The following NINL variants were observed in gnomAD, a reference collection of about 807,000 sequenced individuals.
The protein encoded by NINL is ninein-like protein.
A neutral mutation model predicts 160.3 loss-of-function variants in NINL; 153 were observed. The ratio of observed to expected loss-of-function variants is 0.95; its 90% CI spans 0.84 to 1.09. NINL has a LOEUF of 1.09. Ranked by LOEUF, NINL falls within the 50% of genes least tolerant of loss-of-function variation. NINL has a pLI of 0.00. For missense variants in NINL, 1,829 were observed against 1,764.0 expected, an observed-to-expected ratio of 1.04 and a Z score of -0.66; for synonymous variants, 800 against 734.8, an observed-to-expected ratio of 1.09 and a Z score of -1.43.
At chr20:25,560,325 G>C (rs1181158961) in intron 1 of NINL, among the ~76,000 whole-genome samples, 1 of 152,182 alleles carries the variant, frequency 6.6e-6, no homozygotes, top group African/African-American at 2.4e-5. Context: ...TAACCAGAGA[G>C]CAAGGTTATA....
At chr20:25,523,188 T>C (rs555411902) in intron 2 of NINL, among the ~76,000 whole-genome samples, 5 of 152,252 alleles carry the variant, frequency 3.3e-5, no homozygotes, top group East Asian at 1.9e-4. Context: ...ACCTGTTCAA[T>C]AGAGATGTGA....
At chr20:25,565,820 C>T (rs1348836493) in intron 1 of NINL, among the ~76,000 whole-genome samples, 2 of 152,140 alleles carry the variant, frequency 1.3e-5, no homozygotes, top group African/African-American at 4.8e-5. Flanking sequence ...AGAACAAAAA[C>T]AGAGAAAAGG....
chr20:25,584,653 G>T (rs1037153383), intron 1 of NINL, among the ~76,000 whole-genome samples: 1 of 152,172 alleles, frequency 6.6e-6, no homozygotes, highest in Non-Finnish European at 1.5e-5. Flanking sequence ...AGCTTCATGG[G>T]TCTCTTCCTG....
intron 1 of NINL, among the ~76,000 whole-genome samples, chr20:25,533,390 C>T (rs1347714664): frequency 6.6e-6 from 1 of 152,088 alleles, no homozygotes; most frequent in Non-Finnish European, 1.5e-5. Flanking sequence ...AAAGAACGAT[C>T]CGAGACCAAG....
chr20:25,515,703 C>T (rs1198477050), intron 3 of NINL, among the ~76,000 whole-genome samples: 2 of 152,098 alleles, frequency 1.3e-5, no homozygotes, highest in South Asian at 2.1e-4. Flanking sequence ...GAACTTCCCC[C>T]TTGCTGTTTT....
intron 1 of NINL, among the ~76,000 whole-genome samples, chr20:25,578,145 C>G (rs976574967): frequency 8.7e-5 from 13 of 149,502 alleles, no homozygotes; most frequent in South Asian, 2.1e-4. Flanking sequence ...GAATCTCACT[C>G]TGGCGCCCAT....
chr20:25,571,578 T>C (rs763083319), intron 1 of NINL, among the ~76,000 whole-genome samples: 3 of 152,136 alleles, frequency 2.0e-5, no homozygotes, highest in Non-Finnish European at 4.4e-5. Context: ...TATTTAAAAG[T>C]TGCTTTAGGC....
intron 14 of NINL, among the ~76,000 whole-genome samples, chr20:25,481,100 T>C (rs1463403340): frequency 1.3e-5 from 2 of 152,152 alleles, no homozygotes; most frequent in Non-Finnish European, 2.9e-5. Context: ...GGTTCCCATA[T>C]TGGCCTATTT....
rs568229769 is a variant in NINL at position 25,458,573 on chromosome 20, G to T, written c.3697-44C>A. 1.5e-4 allele frequency: 230 copies of T among 1,507,206 alleles called. 6 individuals carry two copies. The South Asian group carries it at 2.7e-3, about 18-fold the overall frequency. The allele number at this position is 1,507,206 out of a possible 1,614,324, so 93.4% of individuals were successfully genotyped here. On this transcript the variant is annotated intron_variant, in intron 21 of 23. Transcript: ENST00000278886. Reference sequence around the variant, plus strand: ...ACAGCTCTGGTGGGGCTGCTGAGACGCGGCACAGAGGAGCACCCTCTCCAT... The same window carrying T: ...ACAGCTCTGGTGGGGCTGCTGAGACTCGGCACAGAGGAGCACCCTCTCCAT...
At chr20:25,491,832 C>T (rs1191892815) in intron 10 of NINL, among the ~76,000 whole-genome samples, 3 of 152,208 alleles carry the variant, frequency 2.0e-5, no homozygotes, top group Non-Finnish European at 2.9e-5. Flanking sequence ...CCCCTCCACC[C>T]GGTGTGCATG....
At chr20:25,562,608 A>G (rs1481427165) in intron 1 of NINL, among the ~76,000 whole-genome samples, 1 of 137,484 alleles carries the variant, frequency 7.3e-6, no homozygotes, top group African/African-American at 2.9e-5. Flanking sequence ...ATGCTCCTTA[A>G]GAGTCATCAC....
intron 10 of NINL, among the ~76,000 whole-genome samples, chr20:25,495,337 C>A (rs1268212052): frequency 2.6e-5 from 4 of 152,372 alleles, no homozygotes; most frequent in Admixed American, 1.3e-4. Context: ...CCCAAGCAAA[C>A]CGCCCGCATC....
chr20:25,526,903 C>A (rs762805796), intron 1 of NINL, among the ~76,000 whole-genome samples: 2 of 152,182 alleles, frequency 1.3e-5, no homozygotes, highest in East Asian at 3.9e-4. Context: ...GGGTGACTCA[C>A]GCTTGTAATC....
At chr20:25,502,860 A>G (rs2063894734) in intron 7 of NINL, among the ~76,000 whole-genome samples, 1 of 152,202 alleles carries the variant, frequency 6.6e-6, no homozygotes, top group African/African-American at 2.4e-5. Flanking sequence ...CACTGGCACC[A>G]TGCTTCCTGC....
chr20:25,547,284 A>T (rs1338237871), intron 1 of NINL, among the ~76,000 whole-genome samples: 4 of 152,182 alleles, frequency 2.6e-5, no homozygotes, highest in African/African-American at 9.7e-5. Flanking sequence ...GGCTGCAGCT[A>T]AACCCCATCC....
At chr20:25,503,151 G>A (rs1256894591) in intron 7 of NINL, among the ~76,000 whole-genome samples, 1 of 151,896 alleles carries the variant, frequency 6.6e-6, no homozygotes, top group African/African-American at 2.4e-5. Flanking sequence ...ATCCCAGCAG[G>A]TGGGCACCTG....
At chr20:25,479,257 T>C in intron 15 of NINL, 51 bp from the exon 16 acceptor site, 1 of 1,543,438 alleles carries the variant, frequency 6.5e-7, no homozygotes, top group Non-Finnish European at 8.7e-7. Context: ...AAGAATGATC[T>C]TGCTGCTGAC....
intron 22 of NINL, among the ~76,000 whole-genome samples, chr20:25,457,495 C>A (rs2090718147): frequency 6.6e-6 from 1 of 152,244 alleles, no homozygotes; most frequent in Non-Finnish European, 1.5e-5. Flanking sequence ...TTAGTGTATT[C>A]TTCTAGGGGG....
At chr20:25,491,643 G>T in intron 10 of NINL, 118 bp from the exon 11 acceptor site, 9 of 1,240,728 alleles carry the variant, frequency 7.3e-6, no homozygotes, top group Non-Finnish European at 9.9e-6. Context: ...CACGTGCAGG[G>T]CCGCCCTGCC....
Sources: allele counts gnomAD v4.1 joint callset (sites outside exome capture counted in the v4.1 genomes callset), GRCh38; gene constraint gnomAD v4.1.1; transcripts MANE v1.5; gene names NCBI Gene and HGNC (gene_info 2026-07-23, HGNC 2026-07-21).